SRGAP3: variants seen among roughly 807,000 people sequenced by gnomAD.
SRGAP3 encodes the protein SLIT-ROBO Rho GTPase activating protein 3, also known as SLIT-ROBO Rho GTPase-activating protein 3.
In SRGAP3, 39 loss-of-function variants were observed where a neutral mutation model predicts 121.1. The observed-to-expected ratio is 0.32, with a 90% CI of 0.25 to 0.42. The LOEUF (loss-of-function observed/expected upper bound fraction) is 0.42, where lower values mean the gene tolerates loss of function less well. SRGAP3 is among the 10% of genes least tolerant of loss of function. The pLI is 1.00. For synonymous variants in SRGAP3, 601 were observed against 570.0 expected (o/e 1.05, Z -0.77); for missense variants, 1,213 against 1,470.6 (o/e 0.82, Z 2.86).
At chr3:9,266,062 G>A (rs1954357112) in intron 3 of SRGAP3, among the ~76,000 whole-genome samples, 1 of 152,206 alleles carries the variant, frequency 6.6e-6, no homozygotes, top group African/African-American at 2.4e-5. Context: ...ATGAGTTCAT[G>A]TCCTTTGCAG....
At chr3:9,309,421 C>CT (rs1955208029) in intron 3 of SRGAP3, among the ~76,000 whole-genome samples, 1 of 152,226 alleles carries the variant, frequency 6.6e-6, no homozygotes, top group African/African-American at 2.4e-5. Flanking sequence ...AATAATACCC[C>CT]TTCCTGCTCG....
chr3:9,051,965 G>A (rs946606055), intron 9 of SRGAP3, among the ~76,000 whole-genome samples: 1 of 152,098 alleles, frequency 6.6e-6, no homozygotes, highest in Admixed American at 6.6e-5. Flanking sequence ...TGCCTGCCTT[G>A]GCCTCCCAAA....
chr3:9,355,117 AAACC>A, intron 1 of SRGAP3, among the ~76,000 whole-genome samples: 1 of 152,214 alleles, frequency 6.6e-6, no homozygotes, highest in Non-Finnish European at 1.5e-5. Flanking sequence ...TGGTTACTCT[AAACC>A]AGCAAATCTG....
At chr3:9,021,969 T>G (rs926743311) in intron 14 of SRGAP3, among the ~76,000 whole-genome samples, 1 of 151,938 alleles carries the variant, frequency 6.6e-6, no homozygotes, top group African/African-American at 2.4e-5. Context: ...AGCTACTTGG[T>G]GGATGGAAGG....
intron 3 of SRGAP3, among the ~76,000 whole-genome samples, chr3:9,264,150 G>A (rs534479957): frequency 6.6e-6 from 1 of 152,224 alleles, no homozygotes; most frequent in Non-Finnish European, 1.5e-5. Flanking sequence ...TGCAGAAAAG[G>A]TCTTCGATAA....
At chr3:9,241,714 G>A (rs1273976527) in intron 1 of SRGAP3, among the ~76,000 whole-genome samples, 4 of 152,280 alleles carry the variant, frequency 2.6e-5, no homozygotes, top group Non-Finnish European at 5.9e-5. Flanking sequence ...GAGCCTTGGG[G>A]AGGTGATTAA....
chr3:9,123,397 A>ATATATAT (rs764680440), intron 2 of SRGAP3, among the ~76,000 whole-genome samples: 12 of 89,224 alleles, frequency 1.3e-4, no homozygotes, highest in African/African-American at 4.5e-4. Flanking sequence ...ATACATACAC[A>ATATATAT]ATACACATAC....
chr3:9,166,232 C>T (rs1424454631), intron 1 of SRGAP3, among the ~76,000 whole-genome samples: 1 of 152,204 alleles, frequency 6.6e-6, no homozygotes, highest in Non-Finnish European at 1.5e-5. Context: ...GGTCTGAGCT[C>T]CAGGAAGGCA....
Position 9,082,756 on chromosome 3 carries a change from G to A in SRGAP3, c.424-2669C>T, listed in dbSNP as rs913544692. Among the ~76,000 whole-genome samples the A allele has an allele frequency of 2.6e-5, 4 of 152,194 alleles. No homozygotes were observed. The East Asian group carries it at 5.8e-4, about 22-fold the overall frequency. ...GCCTTCCTCTCACCCTTGCAGAGGT[G>A]AGAAGCCTCTGAATCCAGTGGTAGC... is the stretch of plus-strand genomic sequence containing the variant. On this transcript the variant is annotated intron_variant, in intron 3 of 21. Transcript: ENST00000383836.
chr3:9,035,575 CT>C, intron 11 of SRGAP3: 1 of 183,230 alleles, frequency 5.5e-6, no homozygotes, highest in East Asian at 8.8e-5. Context: ...CAGCCTAAGC[CT>C]TCCATCTCTT....
At position 9,133,232 on chromosome 3, in the gene SRGAP3, AAC is replaced by A. The variant is rs1190356533; in HGVS notation, c.68-8317_68-8316del. Among the ~76,000 whole-genome samples, 9 of 152,214 alleles carry A rather than the reference AAC, an allele frequency of 5.9e-5. No individual in the cohort carries two copies. The East Asian group carries it at 1.7e-3, about 29-fold the overall frequency. On this transcript the variant is annotated intron_variant, in intron 1 of 21. Transcript: ENST00000383836. The stretch of plus-strand genomic sequence containing the variant: ...CACAGTGGCTCATGCCTGTAATCCC[AAC>A]ACTTTGGGAGGCCGAAGCAGGTGGA...
At chr3:9,162,377 A>G (rs768943239) in intron 1 of SRGAP3, among the ~76,000 whole-genome samples, 3 of 152,134 alleles carry the variant, frequency 2.0e-5, no homozygotes, top group Non-Finnish European at 2.9e-5. Flanking sequence ...AGGGAATGGG[A>G]TATTAAGATG....
Position 9,310,373 on chromosome 3 carries a change from C to T in SRGAP3, n.442+15637G>A, listed in dbSNP as rs532409770. On this transcript the variant is annotated intron_variant and non_coding_transcript_variant, in intron 3 of 3. Transcript: ENST00000490889. The stretch of plus-strand genomic sequence containing the variant: ...TATCCCTATCTGTTGTCTTCAGCCA[C>T]ACAGTTTGGGTAGGAATAACCCACC... Among the ~76,000 whole-genome samples, 144 of 152,260 alleles carry T rather than the reference C, an allele frequency of 9.5e-4. 1 individual carries two copies. Among genetic ancestry groups the T allele is most frequent in the East Asian group, 1.9e-4 (1 of 5,178 alleles).
Position 9,221,180 on chromosome 3 carries a change from T to A in SRGAP3, c.67+27705A>T, listed in dbSNP as rs537530895. Among the ~76,000 whole-genome samples the A allele has an allele frequency of 2.0e-4, 30 of 152,302 alleles. No individual in the cohort carries two copies. In the South Asian group the frequency reaches 6.0e-3, roughly 31 times the overall value. On this transcript the variant is annotated intron_variant, in intron 1 of 21. Coordinates refer to ENST00000383836, the MANE Select transcript of SRGAP3 (RefSeq NM_014850.4). ...CCTCCTGGTACAATTAAGAGACCAC[T>A]GGGGACTGGGTCTTCAGCAAAGCTT... is the stretch of plus-strand genomic sequence containing the variant.
intron 1 of SRGAP3, among the ~76,000 whole-genome samples, chr3:9,225,119 A>G (rs1952943000): frequency 6.6e-6 from 1 of 152,186 alleles, no homozygotes; most frequent in Admixed American, 6.5e-5. Context: ...TCTGTCTCTC[A>G]CCAGCAGATG....
chr3:9,083,463 CTT>C (rs1362547255), intron 3 of SRGAP3, among the ~76,000 whole-genome samples: 1 of 152,232 alleles, frequency 6.6e-6, no homozygotes, highest in Non-Finnish European at 1.5e-5. Flanking sequence ...TATGTTCTCT[CTT>C]AACACAAATG....
chr3:9,010,372 G>A lies in SRGAP3; in HGVS notation c.2163C>T (p.Ser721=), dbSNP rs76476731. 542 of 1,614,046 alleles carry A rather than the reference G, an allele frequency of 3.4e-4. 4 individuals are homozygous for A. The East Asian group carries it at 0.01, about 31-fold the overall frequency. The stretch of plus-strand genomic sequence containing the variant: ...CAACTTCATCGATGGCCCCTGGCTC[G>A]CTGTGTGGGCTGTCACTGCAAGGAA... ...GGEEYCDSPH[S]EPGAIDEVDH... is the part of the protein sequence containing the mutation. Residue 721 remains serine, a synonymous_variant, in exon 18 of 22, where the codon AGC becomes AGT. Transcript: ENST00000383836.
chr3:9,095,846 T>C (rs560259210), intron 3 of SRGAP3, among the ~76,000 whole-genome samples: 6 of 152,194 alleles, frequency 3.9e-5, no homozygotes, highest in Admixed American at 1.3e-4. Flanking sequence ...GATGGGAGGA[T>C]TGCTTGAGGC....
chr3:9,024,205 C>T (rs1944071651), intron 14 of SRGAP3, among the ~76,000 whole-genome samples: 1 of 152,158 alleles, frequency 6.6e-6, no homozygotes, highest in African/African-American at 2.4e-5. Flanking sequence ...ACCAGAACCA[C>T]TCAGAGAAGA....
Sources: gnomAD v4.1 joint callset for allele counts (sites outside exome capture counted in the v4.1 genomes callset) on GRCh38, gnomAD v4.1.1 for gene constraint, MANE v1.5 for transcripts, NCBI Gene and HGNC (gene_info 2026-07-23, HGNC 2026-07-21) for gene names.